SLC8A3: variants seen among roughly 807,000 people sequenced by gnomAD.
SLC8A3 encodes the protein sodium/calcium exchanger 3.
Under a neutral mutation model 65.4 loss-of-function variants are expected in SLC8A3, and 37 were observed. The observed-to-expected ratio is 0.57, with a 90% CI of 0.44 to 0.74. The LOEUF (loss-of-function observed/expected upper bound fraction) is 0.74, where lower values mean the gene tolerates loss of function less well. SLC8A3 is among the 30% of genes least tolerant of loss of function. The pLI, the probability that SLC8A3 is intolerant of heterozygous loss-of-function variation, is 0.00. For missense variants in SLC8A3, 1,112 were observed against 1,172.1 expected (o/e 0.95, Z 0.75); for synonymous variants, 461 against 444.5 (o/e 1.04, Z -0.47).
chr14:70,119,912 C>T (rs761277106), intron 2 of SLC8A3, among the ~76,000 whole-genome samples: 8 of 152,182 alleles, frequency 5.3e-5, no homozygotes, highest in East Asian at 1.9e-4. Flanking sequence ...TTGTTGCTGA[C>T]CAGATAGGGG....
chr14:70,048,872 G>A lies in SLC8A3; in HGVS notation c.2284C>T (p.Leu762Phe), dbSNP rs763658178. Residue 762 changes from leucine to phenylalanine, a missense_variant, in exon 6 of 7, where the codon CTC becomes TTC. Leu to Phe is a conservative substitution (Grantham distance 22, BLOSUM62 0). Transcript: ENST00000356921. ...FAVSILIIGM[L>F]TAIIGDLASH... is the part of the protein sequence containing the mutation. ...GCCAGGTCCCCAATGATGGCGGTGA[G>A]CATGCCAATGATGAGGATGGAGACG... 1.2e-5 allele frequency: 19 copies of A among 1,614,070 alleles called. No homozygotes were observed. In the East Asian group the frequency reaches 3.6e-4, roughly 30 times the overall value.
rs148642634 is a variant in SLC8A3, at chr14:70,167,611, C to T, written c.812G>A (p.Arg271Gln). 155 of 1,613,984 alleles carry T rather than the reference C, an allele frequency of 9.6e-5. No homozygotes were observed. Among genetic ancestry groups the T allele is most frequent in the South Asian group, 7.6e-4 (69 of 91,074 alleles). The change falls in exon 2 of 7, where the codon CGA becomes CAA. Residue 271 changes from arginine (R) to glutamine (Q), a missense_variant. Arg to Gln is a conservative substitution (Grantham distance 43). Transcript: ENST00000356921. ...MHKKYRTDKH[R>Q]GIIIETEGDH... ...ACCCTCTGTCTCTATGATAATTCCT[C>T]GGTGTTTGTCTGTGCGGTACTTTTT...
At chr14:70,122,309 G>C (rs1894124412) in intron 2 of SLC8A3, among the ~76,000 whole-genome samples, 2 of 152,148 alleles carry the variant, frequency 1.3e-5, no homozygotes, top group Non-Finnish European at 2.9e-5. Context: ...TTTCACAGAA[G>C]ACTCATTTCT....
chr14:70,165,377 C>T (rs1051403958), intron 2 of SLC8A3, among the ~76,000 whole-genome samples: 1 of 152,154 alleles, frequency 6.6e-6, no homozygotes, highest in Admixed American at 6.5e-5. Flanking sequence ...TCTATGGCTC[C>T]CCACTTTTCC....
chr14:70,186,263 G>A (rs1368071413), intron 1 of SLC8A3, among the ~76,000 whole-genome samples: 1 of 152,104 alleles, frequency 6.6e-6, no homozygotes, highest in Non-Finnish European at 1.5e-5. Flanking sequence ...ACTTCCTAAG[G>A]CCTCCCCAGC....
Position 70,100,495 on chromosome 14 carries a change from T to C in SLC8A3, c.1785-39556A>G, listed in dbSNP as rs139354192. On this transcript the variant is annotated intron_variant, in intron 2 of 6. Coordinates refer to ENST00000356921, the MANE Select transcript of SLC8A3 (RefSeq NM_182932.3). Reference sequence around the variant, plus strand: ...GAATGTTTAAGATGCATTTTTGCAATAAGAAGGTTCAAGCAACTTTAGATT... The same window carrying C: ...GAATGTTTAAGATGCATTTTTGCAACAAGAAGGTTCAAGCAACTTTAGATT... Among the ~76,000 whole-genome samples the C allele has an allele frequency of 4.4e-3, 666 of 152,304 alleles. 6 individuals are homozygous for C. Among genetic ancestry groups the C allele is most frequent in the African/African-American group, 0.016 (645 of 41,550 alleles).
chr14:70,179,386 C>T (rs1882526526), intron 1 of SLC8A3, among the ~76,000 whole-genome samples: 2 of 152,170 alleles, frequency 1.3e-5, no homozygotes, highest in African/African-American at 2.4e-5. Context: ...TTTTGTTCAC[C>T]ACAGTATTCC....
chr14:70,189,135 C>G (rs1442536707), upstream of SLC8A3: 1 of 152,302 alleles, frequency 6.6e-6, no homozygotes, highest in African/African-American at 2.4e-5. Context: ...GAACGCTCCT[C>G]GACCAGCAGC....
chr14:70,169,333 C>T (rs1897348679), intron 1 of SLC8A3, among the ~76,000 whole-genome samples: 1 of 152,158 alleles, frequency 6.6e-6, no homozygotes, highest in Non-Finnish European at 1.5e-5. Context: ...TTCACAGCAG[C>T]TCTGAGCCCT....
At chr14:70,131,716 T>C (rs1894838687) in intron 2 of SLC8A3, among the ~76,000 whole-genome samples, 1 of 152,218 alleles carries the variant, frequency 6.6e-6, no homozygotes, top group Admixed American at 6.5e-5. Context: ...ACAGAATGTG[T>C]CAGAGTCTAT....
intron 2 of SLC8A3, among the ~76,000 whole-genome samples, chr14:70,099,716 A>G (rs1892437614): frequency 6.6e-6 from 1 of 152,252 alleles, no homozygotes; most frequent in South Asian, 2.1e-4. Context: ...CTTGGTTTGC[A>G]CTAAGCATCA....
chr14:70,152,667 G>C (rs1245649698), intron 2 of SLC8A3, among the ~76,000 whole-genome samples: 1 of 152,158 alleles, frequency 6.6e-6, no homozygotes, highest in Non-Finnish European at 1.5e-5. Flanking sequence ...GTATGGCAAA[G>C]AGCAGTGCAG....
chr14:70,103,221 A>G (rs562079615), intron 2 of SLC8A3, among the ~76,000 whole-genome samples: 2 of 152,178 alleles, frequency 1.3e-5, no homozygotes, highest in African/African-American at 4.8e-5. Flanking sequence ...AACGAAGGCA[A>G]AATAAAGATA....
At chr14:70,126,568 TCTCA>T (rs1157399035) in intron 2 of SLC8A3, among the ~76,000 whole-genome samples, 1,407 of 122,274 alleles carry the variant, frequency 0.012, 23 homozygotes, top group African/African-American at 0.038. Context: ...TCTCTCTCTC[TCTCA>T]CACACACACA....
At chr14:70,105,409 GGAACATCAGGACA>G (rs1394084953) in intron 2 of SLC8A3, among the ~76,000 whole-genome samples, 1 of 151,768 alleles carries the variant, frequency 6.6e-6, no homozygotes, top group Non-Finnish European at 1.5e-5. Flanking sequence ...AGTGAGAGAG[GGAACATCAGGACA>G]GATCTTATAG....
intron 2 of SLC8A3, among the ~76,000 whole-genome samples, chr14:70,061,521 C>A (rs1033268287): frequency 1.3e-5 from 2 of 148,608 alleles, no homozygotes; most frequent in Non-Finnish European, 3.0e-5. Flanking sequence ...GAAAACCAGA[C>A]AGAGGAAGAG....
intron 2 of SLC8A3, among the ~76,000 whole-genome samples, chr14:70,091,355 G>T (rs1891794082): frequency 6.6e-6 from 1 of 152,138 alleles, no homozygotes. Context: ...TTTAGCAGGA[G>T]GGAGAATGGG....
chr14:70,056,783 C>G (rs955110282), intron 3 of SLC8A3, among the ~76,000 whole-genome samples: 1 of 152,114 alleles, frequency 6.6e-6, no homozygotes, highest in Non-Finnish European at 1.5e-5. Context: ...ATGCAAGGTC[C>G]CTATGTGGAT....
At chr14:70,060,690 C>A (rs1402568729) in intron 3 of SLC8A3, 146 bp downstream of exon 3, 1 of 760,120 alleles carries the variant, frequency 1.3e-6, no homozygotes, top group Admixed American at 1.7e-5. Flanking sequence ...TAAAAAAATC[C>A]ATTGGTCAAA....
Sources: allele counts gnomAD v4.1 joint callset (sites outside exome capture counted in the v4.1 genomes callset), GRCh38; gene constraint gnomAD v4.1.1; transcripts MANE v1.5; gene names NCBI Gene and HGNC (gene_info 2026-07-23, HGNC 2026-07-21).